Variants in TMEM255B observed in about 807,000 individuals in gnomAD.
TMEM255B encodes transmembrane protein 255B.
In TMEM255B, 35 loss-of-function variants were observed where a neutral mutation model predicts 34.5. The ratio of observed to expected loss-of-function variants is 1.01; its 90% confidence interval spans 0.77 to 1.34. TMEM255B has a LOEUF of 1.34. Ranked by LOEUF, TMEM255B falls within the 40% of genes most tolerant of loss-of-function variation. TMEM255B has a pLI of 0.00. For missense variants in TMEM255B, 432 were observed against 433.2 expected (o/e 1.00, Z 0.02); for synonymous variants, 206 against 201.2 (o/e 1.02, Z -0.20).
chr13:113,776,977 C>T (rs574164074), intron 3 of TMEM255B, among the ~76,000 whole-genome samples: 1 of 152,268 alleles, frequency 6.6e-6, no homozygotes, highest in African/African-American at 2.4e-5. Flanking sequence ...CTTGGGCTGT[C>T]TGCTTGTAAA....
At chr13:113,776,915 C>T (rs997058686) in intron 3 of TMEM255B, among the ~76,000 whole-genome samples, 2 of 152,146 alleles carry the variant, frequency 1.3e-5, no homozygotes, top group African/African-American at 4.8e-5. Flanking sequence ...CAGGAGCCAA[C>T]GCCTATGGAT....
In TMEM255B at chr13:113,780,482, A is replaced by G. The variant is rs1255284240; in HGVS notation, c.252+11322A>G. Among the ~76,000 whole-genome samples the G allele has an allele frequency of 2.0e-5, 3 of 152,342 alleles. No individual in the cohort carries two copies. The East Asian group carries it at 5.8e-4, about 29-fold the overall frequency. ...TCATGGGAGTATACTAAATTGTTAA[A>G]AGCTGTCAATAGCTCGCAAGACGTT... is the stretch of plus-strand genomic sequence containing the variant. On this transcript the variant is annotated intron_variant, in intron 3 of 8. Coordinates refer to ENST00000375353, the MANE Select transcript of TMEM255B (RefSeq NM_182614.4).
rs1291733391 is a variant in TMEM255B, at chr13:113,801,696, G to A, written c.553G>A (p.Gly185Ser). 5.0e-6 allele frequency: 8 copies of A among 1,611,760 alleles called. No individual in the cohort carries two copies. Among genetic ancestry groups the A allele is most frequent in the Admixed American group, 1.7e-5 (1 of 59,918 alleles). Residue 185 changes from glycine (G) to serine (S), a missense_variant, in exon 7 of 9, where the codon GGC becomes AGC. Transcript: ENST00000375353. Reference sequence around the variant, plus strand: ...CTACTATGAGTTCATCGGCGTCAGCGGCTGCCAGGACGTGCTGCACCTGTA... The same window carrying A: ...CTACTATGAGTTCATCGGCGTCAGCAGCTGCCAGGACGTGCTGCACCTGTA... ...PAYYEFIGVS[G>S]CQDVLHLYRL...
chr13:113,796,600 CTA>C (rs2050945669), intron 4 of TMEM255B, among the ~76,000 whole-genome samples: 1 of 152,118 alleles, frequency 6.6e-6, no homozygotes, highest in South Asian at 2.1e-4. Flanking sequence ...CAGGTTTTCT[CTA>C]AAGTCGCAGG....
rs1042526078 is a variant in TMEM255B, at chr13:113,770,209, C to T, written c.252+1049C>T. ...GTAAGGAGGAGCAAGTCCTGTCTTA[C>T]GTGGATGGCAGCAGGCAAAGACAGA... On this transcript the variant is annotated intron_variant, in intron 3 of 8. Transcript: ENST00000375353. This position sits in a 1 kb window ranked among gnomAD's most constrained non-coding sequence, Gnocchi z 4.6. Among the ~76,000 whole-genome samples, 1 of 152,168 alleles carries T rather than the reference C, an allele frequency of 6.6e-6. No homozygotes were observed.
intron 2 of TMEM255B, among the ~76,000 whole-genome samples, chr13:113,767,637 G>A (rs1240498933): frequency 1.3e-5 from 2 of 152,236 alleles, no homozygotes; most frequent in Non-Finnish European, 2.9e-5. Flanking sequence ...AGATTGAAAT[G>A]GCCTGTAGTA....
At chr13:113,765,201 C>T (rs544360465) in intron 1 of TMEM255B, among the ~76,000 whole-genome samples, 18 of 152,312 alleles carry the variant, frequency 1.2e-4, no homozygotes, top group African/African-American at 3.1e-4. Context: ...ACCAAGGCCA[C>T]GCCCTTGCTG....
rs554255472 is a variant in TMEM255B at position 113,782,991 on chromosome 13, G to A, written c.253-12157G>A. 2.1e-3 allele frequency among the ~76,000 whole-genome samples: 322 copies of A among 152,216 alleles called. 1 individual carries two copies. The highest frequency in any genetic ancestry group is 3.6e-3 in the Non-Finnish European group (242 of 67,994). ...CCTCGTTTGTGTTGTTAAAGACATG[G>A]AAGGCTGCATTTAGGAGGTCCCACT... On this transcript the variant is annotated intron_variant, in intron 3 of 8. Coordinates refer to ENST00000375353, the MANE Select transcript of TMEM255B (RefSeq NM_182614.4).
At chr13:113,782,683 G>GC (rs147313681) in intron 3 of TMEM255B, among the ~76,000 whole-genome samples, 2 of 151,584 alleles carry the variant, frequency 1.3e-5, no homozygotes, top group East Asian at 3.9e-4. Flanking sequence ...GGAGGGGGGG[G>GC]CTTCATTATG....
chr13:113,791,941 G>A (rs936046736), intron 3 of TMEM255B, among the ~76,000 whole-genome samples: 16 of 152,190 alleles, frequency 1.1e-4, no homozygotes, highest in Non-Finnish European at 8.8e-5. Flanking sequence ...AGCGAGGCAC[G>A]CAGCCCCCTG....
At chr13:113,786,289 C>T (rs766170964) in intron 3 of TMEM255B, among the ~76,000 whole-genome samples, 5 of 151,750 alleles carry the variant, frequency 3.3e-5, no homozygotes, top group East Asian at 1.9e-4. Context: ...TCACCATCCT[C>T]GCTGTCATTG....
Position 113,811,986 on chromosome 13 carries a change from A to C in TMEM255B, c.*83A>C. The C allele has an allele frequency of 1.4e-6, 2 of 1,466,218 alleles. No homozygotes were observed. Among genetic ancestry groups the C allele is most frequent in the African/African-American group, 1.4e-5 (1 of 70,172 alleles). 90.8% of individuals were successfully genotyped at this position (1,466,218 alleles called of 1,614,324 possible). On this transcript the variant is annotated 3_prime_UTR_variant, in exon 9 of 9. Transcript: ENST00000375353. The stretch of plus-strand genomic sequence containing the variant: ...TCTAGAAATCCCGCTTCTGTGGCCA[A>C]CCTCCTAGAGAACCCGGGAGAATGT...
At chr13:113,794,961 C>A (rs1476543416) in intron 3 of TMEM255B, among the ~76,000 whole-genome samples, 187 bp from the exon 4 acceptor site, 1 of 152,254 alleles carries the variant, frequency 6.6e-6, no homozygotes, top group African/African-American at 2.4e-5. Flanking sequence ...GGAATAGACG[C>A]GTGAGGACGA....
chr13:113,807,678 C>T (rs1422464557), intron 8 of TMEM255B, among the ~76,000 whole-genome samples: 1 of 141,696 alleles, frequency 7.1e-6, no homozygotes, highest in African/African-American at 2.7e-5. Context: ...GCGGTCCTCC[C>T]CGTCACACGC....
Position 113,812,052 on chromosome 13 carries a change from G to A in TMEM255B, c.*149G>A, listed in dbSNP as rs1015939543. The A allele has an allele frequency of 5.6e-6, 6 of 1,067,158 alleles. No homozygotes were observed. The South Asian group carries it at 6.5e-5, about 12-fold the overall frequency. 66.1% of individuals were successfully genotyped at this position (1,067,158 alleles called of 1,614,324 possible). A position where few individuals can be genotyped will look rare whatever the true frequency, so the allele number is the denominator to read the frequency against. On this transcript the variant is annotated 3_prime_UTR_variant, in exon 9 of 9. Transcript: ENST00000375353. ...CCTCCTTTCCTCCCTGGGCACACTG[G>A]TGAGGGAGGCTGGAACCAGGCAGGG... is the stretch of plus-strand genomic sequence containing the variant.
chr13:113,800,020 C>G, intron 5 of TMEM255B: 2 of 1,230,906 alleles, frequency 1.6e-6, no homozygotes, highest in Non-Finnish European at 2.1e-6. Context: ...TGGCCAGCAC[C>G]TGCCAGCTTG....
At chr13:113,781,622 GTCTGAT>G (rs1441256982) in intron 3 of TMEM255B, among the ~76,000 whole-genome samples, 1 of 152,176 alleles carries the variant, frequency 6.6e-6, no homozygotes, top group East Asian at 1.9e-4. Flanking sequence ...TGCACACAAG[GTCTGAT>G]TCATTCCAGC....
In TMEM255B at chr13:113,807,119, T is replaced by C. The variant is rs149676501; in HGVS notation, c.813+2091T>C. Among the ~76,000 whole-genome samples the C allele has an allele frequency of 5.1e-3, 783 of 152,268 alleles. 9 individuals carry two copies. In the South Asian group the frequency reaches 0.054, roughly 11 times the overall value. On this transcript the variant is annotated intron_variant, in intron 8 of 8. Coordinates refer to ENST00000375353, the MANE Select transcript of TMEM255B (RefSeq NM_182614.4). ...GCCCGGCTGTCTGAAGCTCTGGCTG[T>C]GAGGGGCCCGGCTTCTCCAAGTTTG...
chr13:113,797,117 G>A (rs540945445), intron 4 of TMEM255B, among the ~76,000 whole-genome samples: 13 of 152,268 alleles, frequency 8.5e-5, no homozygotes, highest in Admixed American at 2.0e-4. Flanking sequence ...GACCGCAGTC[G>A]GGGGTGTCCC....
Sources: gnomAD v4.1 joint callset for allele counts (sites outside exome capture counted in the v4.1 genomes callset) on GRCh38, gnomAD v4.1.1 for gene constraint, Gnocchi (gnomAD v3.1) non-coding constraint, MANE v1.5 for transcripts, NCBI Gene and HGNC (gene_info 2026-07-23, HGNC 2026-07-21) for gene names.